The following MCCC2 variants were observed in gnomAD, a reference collection of about 807,000 sequenced individuals.
MCCC2 encodes methylcrotonyl-CoA carboxylase subunit 2, also known as methylcrotonoyl-CoA carboxylase beta chain, mitochondrial.
MCCC2 carries 52 observed loss-of-function variants against 77.2 expected under a neutral mutation model. The ratio of observed to expected loss-of-function variants is 0.67; its 90% CI spans 0.54 to 0.85. The LOEUF is 0.85. MCCC2 is among the 40% of genes least tolerant of loss of function. The pLI is 0.00. For synonymous variants in MCCC2, 253 were observed against 248.4 expected (o/e 1.02, Z -0.18); for missense variants, 682 against 703.2 (o/e 0.97, Z 0.34).
rs1744981185 is a variant in MCCC2, at chr5:71,591,483, C to T, written c.130-1443C>T. On this transcript the variant is annotated intron_variant, in intron 1 of 16. Coordinates refer to ENST00000340941, the MANE Select transcript of MCCC2 (RefSeq NM_022132.5). The stretch of plus-strand genomic sequence containing the variant: ...TGGAGTTTTGCTCTTGTTGCCCAGG[C>T]TGGAGTGCAATGATGCAATCTTGGC... Among the ~76,000 whole-genome samples, 3 of 133,226 alleles carry T rather than the reference C, an allele frequency of 2.3e-5. No homozygotes were observed. The Admixed American group carries it at 2.6e-4, about 12-fold the overall frequency. The allele number at this position is 133,226 out of a possible 152,430, so 87.4% of individuals were successfully genotyped here.
chr5:71,648,682 T>C (rs1405231355), intron 13 of MCCC2, among the ~76,000 whole-genome samples: 3 of 152,186 alleles, frequency 2.0e-5, no homozygotes, highest in Admixed American at 6.5e-5. Context: ...AAATTTTTAT[T>C]TATTTATTTT....
In MCCC2 at chr5:71,646,253, C is replaced by G. The variant is rs1339423536; in HGVS notation, c.1192C>G (p.Leu398Val). 2 of 1,613,780 alleles carry G rather than the reference C, an allele frequency of 1.2e-6. No homozygotes were observed. Among genetic ancestry groups the G allele is most frequent in the Non-Finnish European group, 1.7e-6 (2 of 1,179,836 alleles). ...GTTATGCTGCCAAAGAAATATTCCT[C>G]TGCTGTTCCTTCAAAACATTACTGG... Reference protein sequence around the residue: ...VQLCCQRNIPLLFLQNITGFM... With the variant: ...VQLCCQRNIPVLFLQNITGFM... The change falls in exon 13 of 17, where the codon CTG becomes GTG. Residue 398 changes from leucine to valine, a missense_variant. By Grantham distance (32) the Leu-to-Val change is conservative (BLOSUM62 1). Transcript: ENST00000340941.
chr5:71,612,444 G>A (rs193045291), intron 6 of MCCC2, among the ~76,000 whole-genome samples: 2 of 152,162 alleles, frequency 1.3e-5, no homozygotes, highest in Admixed American at 6.5e-5. Context: ...TAGAAACTTC[G>A]GCTTTGCTTA....
At chr5:71,639,346 T>C (rs1340224542) in intron 10 of MCCC2, among the ~76,000 whole-genome samples, 1 of 152,218 alleles carries the variant, frequency 6.6e-6, no homozygotes, top group Non-Finnish European at 1.5e-5. Flanking sequence ...CTGTAGCTTC[T>C]ATAATACATC....
intron 13 of MCCC2, among the ~76,000 whole-genome samples, chr5:71,647,636 G>A (rs1747306056): frequency 6.6e-6 from 1 of 152,178 alleles, no homozygotes; most frequent in African/African-American, 2.4e-5. Context: ...TAGTGGGCAG[G>A]TGAATAAGTC....
chr5:71,602,869 A>G (rs954478138), intron 5 of MCCC2: 7 of 543,850 alleles, frequency 1.3e-5, no homozygotes, highest in South Asian at 7.1e-5. Flanking sequence ...TTTTTTCTCT[A>G]TGTGTTGTGT....
At chr5:71,635,304 A>G (rs777723552) in intron 10 of MCCC2, 58 bp downstream of exon 10, 1 of 1,458,568 alleles carries the variant, frequency 6.9e-7, no homozygotes, top group Admixed American at 1.7e-5. Flanking sequence ...TTGTATGTGT[A>G]TCTATTTGCA....
chr5:71,630,688 T>C (rs1054832281), intron 7 of MCCC2, among the ~76,000 whole-genome samples: 4 of 152,156 alleles, frequency 2.6e-5, no homozygotes, highest in African/African-American at 9.7e-5. Context: ...TTTAACTAAC[T>C]CTCTCTGCAG....
intron 6 of MCCC2, among the ~76,000 whole-genome samples, chr5:71,618,105 A>G (rs1264358228): frequency 1.8e-4 from 28 of 152,066 alleles, no homozygotes; most frequent in Non-Finnish European, 1.2e-4. Context: ...GGCCTTCTCC[A>G]TATCTGAGGC....
chr5:71,604,448 T>A lies in MCCC2; in HGVS notation c.604T>A (p.Ser202Thr). 6.2e-7 allele frequency: 1 copy of A among 1,613,984 alleles called. No individual in the cohort carries two copies. The stretch of plus-strand genomic sequence containing the variant: ...TACATTCTATAATCAGGCAATTATG[T>A]CTTCTAAAAATATTGCACAGGTAAT... Reference protein sequence around the residue: ...GRTFYNQAIMSSKNIAQIAVV... With the variant: ...GRTFYNQAIMTSKNIAQIAVV... Residue 202 changes from serine to threonine, a missense_variant, in exon 6 of 17, where the codon TCT (serine) becomes ACT (threonine). Coordinates refer to ENST00000340941, the MANE Select transcript of MCCC2 (RefSeq NM_022132.5).
At position 71,641,272 on chromosome 5, in the gene MCCC2, A is replaced by G; in HGVS notation, c.1072+197A>G. On this transcript the variant is annotated intron_variant, in intron 11 of 16. Transcript: ENST00000340941. ...GGCTTCATGGATCCAAATAGTTTAAAATGTTAATAGCTAGATGCTGTGGTG... is the reference window on the plus strand; with the variant it reads ...GGCTTCATGGATCCAAATAGTTTAAGATGTTAATAGCTAGATGCTGTGGTG... The G allele has an allele frequency of 5.0e-6, 3 of 599,980 alleles. No individual in the cohort carries two copies. The East Asian group carries it at 8.8e-5, about 18-fold the overall frequency. 37.2% of individuals were successfully genotyped at this position (599,980 alleles called of 1,614,324 possible).
At chr5:71,652,995 C>G (rs1747482147) in intron 16 of MCCC2, among the ~76,000 whole-genome samples, 1 of 152,240 alleles carries the variant, frequency 6.6e-6, no homozygotes, top group South Asian at 2.1e-4. Context: ...ATTCTCGCTT[C>G]CCTTGTCTTC....
intron 2 of MCCC2, among the ~76,000 whole-genome samples, chr5:71,593,960 C>T (rs111543873): frequency 0.013 from 1,990 of 152,188 alleles, 40 homozygotes; most frequent in African/African-American, 0.044. Flanking sequence ...GAGACAGGGT[C>T]TCCTCACTCT....
At chr5:71,622,686 A>G (rs1355998907) in intron 6 of MCCC2, among the ~76,000 whole-genome samples, 1 of 152,190 alleles carries the variant, frequency 6.6e-6, no homozygotes, top group African/African-American at 2.4e-5. Context: ...GTCTTTTGTG[A>G]CTGGCTTCTT....
At chr5:71,602,672 G>C in intron 5 of MCCC2, 39 bp downstream of exon 5, 14 of 1,613,910 alleles carry the variant, frequency 8.7e-6, no homozygotes, top group Non-Finnish European at 1.2e-5. Flanking sequence ...ATTATTAGCT[G>C]GTAAAATGCA....
At chr5:71,587,611 G>A in intron 1 of MCCC2, 57 bp downstream of exon 1, 5 of 1,523,558 alleles carry the variant, frequency 3.3e-6, no homozygotes, top group Non-Finnish European at 4.4e-6. Context: ...AGCAAGTGGA[G>A]GAGGGGCACG....
chr5:71,602,840 C>A (rs576263413), intron 5 of MCCC2: 2 of 631,474 alleles, frequency 3.2e-6, no homozygotes, highest in Admixed American at 3.4e-5. Context: ...AATACTCATA[C>A]ATTTTGACGC....
chr5:71,618,548 CCTTT>C (rs879780856), intron 6 of MCCC2, among the ~76,000 whole-genome samples: 2,921 of 35,536 alleles, frequency 0.082, 55 homozygotes, highest in Non-Finnish European at 0.12. Context: ...TTCCTTCCTT[CCTTT>C]CTTTCTTTCT....
chr5:71,613,427 T>G (rs1183740264), intron 6 of MCCC2, among the ~76,000 whole-genome samples: 3 of 152,264 alleles, frequency 2.0e-5, no homozygotes, highest in African/African-American at 7.2e-5. Context: ...CTGCTTATGA[T>G]AAAAAACTCA....
Sources: gnomAD v4.1 joint callset for allele counts (sites outside exome capture counted in the v4.1 genomes callset) on GRCh38, gnomAD v4.1.1 for gene constraint, MANE v1.5 for transcripts, NCBI Gene and HGNC (gene_info 2026-07-23, HGNC 2026-07-21) for gene names.